The following CSNK2A2IP variants were observed in gnomAD, a reference collection of about 807,000 sequenced individuals.
CSNK2A2IP encodes casein kinase II subunit alpha'-interacting protein.
the CSNK2A2IP span, among the ~76,000 whole-genome samples, chr3:88,355,539 T>G: frequency 6.6e-6 from 1 of 152,204 alleles, no homozygotes; most frequent in African/African-American, 2.4e-5. Context: ...TGTACAGACT[T>G]CTGTACATTT....
At chr3:88,373,458 T>A in the CSNK2A2IP span, among the ~76,000 whole-genome samples, 384 of 151,486 alleles carry the variant, frequency 2.5e-3, 2 homozygotes, top group African/African-American at 9.0e-3. Flanking sequence ...ATTTAAAATA[T>A]CAAATTTTTT....
chr3:88,338,742 G>A, the CSNK2A2IP span: 66,618 of 151,904 alleles, frequency 0.44, 15,856 homozygotes, highest in South Asian at 0.62. Context: ...TGAGCAAATT[G>A]GTGGGCTATT....
At chr3:88,443,045 A>G in the CSNK2A2IP span, among the ~76,000 whole-genome samples, 2 of 152,290 alleles carry the variant, frequency 1.3e-5, no homozygotes, top group South Asian at 4.1e-4. Context: ...GAATAATGCT[A>G]AAATCCAAAT....
At chr3:88,454,049 C>T in the CSNK2A2IP span, among the ~76,000 whole-genome samples, 3 of 151,996 alleles carry the variant, frequency 2.0e-5, no homozygotes, top group African/African-American at 7.2e-5. Context: ...ATACTCCCAC[C>T]AGCAGTGTAT....
At chr3:88,366,756 A>T in the CSNK2A2IP span, among the ~76,000 whole-genome samples, 6 of 152,208 alleles carry the variant, frequency 3.9e-5, 1 homozygote, top group East Asian at 5.8e-4. Context: ...AAATAGGGGC[A>T]TGTATTAGTC....
At chr3:88,406,611 G>A in the CSNK2A2IP span, among the ~76,000 whole-genome samples, 1 of 152,016 alleles carries the variant, frequency 6.6e-6, no homozygotes, top group African/African-American at 2.4e-5. Flanking sequence ...TTTTAAGTTG[G>A]GATTTTTGGC....
At chr3:88,348,114 T>A in the CSNK2A2IP span, among the ~76,000 whole-genome samples, 36 of 152,154 alleles carry the variant, frequency 2.4e-4, no homozygotes, top group East Asian at 5.6e-3. Flanking sequence ...CATGCTTTGA[T>A]ACAGACTGAG....
the CSNK2A2IP span, among the ~76,000 whole-genome samples, chr3:88,349,885 T>C: frequency 2.0e-5 from 3 of 152,234 alleles, no homozygotes; most frequent in African/African-American, 7.2e-5. Context: ...ATTTCCCTGA[T>C]GATTAGTGAT....
At chr3:88,344,647 A>T in the CSNK2A2IP span, among the ~76,000 whole-genome samples, 1 of 151,966 alleles carries the variant, frequency 6.6e-6, no homozygotes, top group African/African-American at 2.4e-5. Context: ...ACAGTCATTT[A>T]AATTTGCTGT....
the CSNK2A2IP span, among the ~76,000 whole-genome samples, chr3:88,349,589 A>G: frequency 1.3e-5 from 2 of 152,108 alleles, no homozygotes; most frequent in Non-Finnish European, 2.9e-5. Flanking sequence ...TTGAGCTGCT[A>G]TAAACATGTG....
the CSNK2A2IP span, among the ~76,000 whole-genome samples, chr3:88,396,392 A>C: frequency 2.0e-5 from 3 of 152,154 alleles, no homozygotes; most frequent in Non-Finnish European, 4.4e-5. Context: ...GGCGTGAGCC[A>C]CCGCGCCCGG....
the CSNK2A2IP span, among the ~76,000 whole-genome samples, chr3:88,423,335 G>T: frequency 6.6e-6 from 1 of 152,162 alleles, no homozygotes; most frequent in African/African-American, 2.4e-5. Context: ...ATATTAAGGA[G>T]CAGAAGAAAA....
chr3:88,427,682 T>G, the CSNK2A2IP span, among the ~76,000 whole-genome samples: 1 of 152,310 alleles, frequency 6.6e-6, no homozygotes, highest in African/African-American at 2.4e-5. Context: ...CAAGCCTTGA[T>G]GCCTTCAACA....
At chr3:88,459,354 G>A in the CSNK2A2IP span, among the ~76,000 whole-genome samples, 2 of 151,792 alleles carry the variant, frequency 1.3e-5, no homozygotes, top group Admixed American at 6.6e-5. Context: ...GTTAAATATC[G>A]GTATTGAAGA....
the CSNK2A2IP span, among the ~76,000 whole-genome samples, chr3:88,387,927 G>C: frequency 6.6e-6 from 1 of 151,938 alleles, no homozygotes; most frequent in Non-Finnish European, 1.5e-5. Context: ...TGGTCTTGCT[G>C]TGTTGCCCAG....
At chr3:88,367,696 C>T in the CSNK2A2IP span, among the ~76,000 whole-genome samples, 1 of 151,964 alleles carries the variant, frequency 6.6e-6, no homozygotes, top group Non-Finnish European at 1.5e-5. Context: ...CGCACATGGC[C>T]CTTTTCAACA....
the CSNK2A2IP span, among the ~76,000 whole-genome samples, chr3:88,446,754 A>G: frequency 1.3e-5 from 2 of 152,338 alleles, no homozygotes; most frequent in Non-Finnish European, 2.9e-5. Flanking sequence ...ATTTGACGAT[A>G]TACACACATT....
the CSNK2A2IP span, among the ~76,000 whole-genome samples, chr3:88,376,926 T>C: frequency 6.6e-6 from 1 of 151,948 alleles, no homozygotes; most frequent in South Asian, 2.1e-4. Flanking sequence ...CTTTTGTAAG[T>C]TGGTTTCTAT....
At chr3:88,445,441 T>C in the CSNK2A2IP span, among the ~76,000 whole-genome samples, 1 of 152,020 alleles carries the variant, frequency 6.6e-6, no homozygotes, top group Non-Finnish European at 1.5e-5. Flanking sequence ...AAACTCTGTA[T>C]CAAAAAAATA....
Sources: gnomAD v4.1 joint callset for allele counts (sites outside exome capture counted in the v4.1 genomes callset) on GRCh38, gnomAD v4.1.1 for gene constraint, MANE v1.5 for transcripts, NCBI Gene and HGNC (gene_info 2026-07-23, HGNC 2026-07-21) for gene names.